PHACTR1: variants seen among roughly 807,000 people sequenced by gnomAD.
PHACTR1 encodes the protein RPEL repeat containing 1.
PHACTR1 carries 16 observed loss-of-function variants against 69.2 expected under a neutral mutation model. The observed-to-expected ratio is 0.23, with a 90% CI of 0.16 to 0.35. The LOEUF (loss-of-function observed/expected upper bound fraction) is 0.35, where lower values mean the gene tolerates loss of function less well. Among genes scored for constraint, PHACTR1 ranks in the 10% least tolerant of loss-of-function variants. PHACTR1 has a pLI of 1.00. For missense variants in PHACTR1, 510 were observed against 734.7 expected (o/e 0.69, Z 3.54); for synonymous variants, 312 against 284.5 (o/e 1.10, Z -0.97).
chr6:13,137,400 A>G (rs989597518), intron 5 of PHACTR1, among the ~76,000 whole-genome samples: 2 of 152,254 alleles, frequency 1.3e-5, no homozygotes, highest in African/African-American at 4.8e-5. Flanking sequence ...TGTCTTAACT[A>G]TGAAGAAACT....
At chr6:12,753,970 A>ATATATT (rs1490045072) in intron 4 of PHACTR1, among the ~76,000 whole-genome samples, 23 of 134,500 alleles carry the variant, frequency 1.7e-4, no homozygotes, top group South Asian at 2.4e-4. Flanking sequence ...ATATATATAT[A>ATATATT]TTTTTTTTTT....
intron 4 of PHACTR1, among the ~76,000 whole-genome samples, chr6:12,980,649 G>A (rs1490742606): frequency 6.6e-6 from 1 of 151,896 alleles, no homozygotes; most frequent in East Asian, 1.9e-4. Context: ...ATAGGATGGA[G>A]TGGGCAGTTT....
At chr6:12,867,885 A>G (rs922284168) in intron 4 of PHACTR1, among the ~76,000 whole-genome samples, 11 of 152,180 alleles carry the variant, frequency 7.2e-5, no homozygotes, top group African/African-American at 2.4e-4. Flanking sequence ...GACAGTCTGT[A>G]TGCCTAGACC....
chr6:12,777,625 CTTTTTTTTTT>C (rs869096915), intron 4 of PHACTR1, among the ~76,000 whole-genome samples: 8 of 99,006 alleles, frequency 8.1e-5, no homozygotes, highest in Non-Finnish European at 1.3e-4. Context: ...CTTTCTTCTT[CTTTTTTTTTT>C]TTTTTTTTTT....
chr6:12,754,666 G>A (rs1561852066), intron 4 of PHACTR1, among the ~76,000 whole-genome samples: 1 of 152,176 alleles, frequency 6.6e-6, no homozygotes, highest in Admixed American at 6.5e-5. Flanking sequence ...AAGGTACAAG[G>A]AAGTAAGTAC....
In PHACTR1 at chr6:13,140,155, G is replaced by A. The variant is rs144767208; in HGVS notation, c.416-20049G>A. On this transcript the variant is annotated intron_variant, in intron 5 of 14. Transcript: ENST00000332995. ...GATAATAACAAATATTGATGAGGAT[G>A]TGGAGAAATTTGAACCCTTGTATAC... Among the ~76,000 whole-genome samples the A allele has an allele frequency of 3.7e-3, 549 of 150,116 alleles. 2 individuals are homozygous for A. The highest frequency in any genetic ancestry group is 0.012 in the African/African-American group (503 of 40,914).
chr6:13,111,970 C>T (rs955614951), intron 5 of PHACTR1, among the ~76,000 whole-genome samples: 1 of 152,116 alleles, frequency 6.6e-6, no homozygotes, highest in Non-Finnish European at 1.5e-5. Context: ...ATTATTTCAT[C>T]ACCCAGGTAT....
chr6:12,911,417 G>A (rs1786380777), intron 4 of PHACTR1, among the ~76,000 whole-genome samples: 1 of 152,180 alleles, frequency 6.6e-6, no homozygotes, highest in Non-Finnish European at 1.5e-5. Context: ...ATCCCCAGAG[G>A]AAAATACACT....
chr6:12,876,135 T>C (rs1376462181), intron 4 of PHACTR1, among the ~76,000 whole-genome samples: 2 of 152,206 alleles, frequency 1.3e-5, no homozygotes, highest in African/African-American at 4.8e-5. Context: ...CGAACACCTT[T>C]GTACCACTTA....
intron 4 of PHACTR1, among the ~76,000 whole-genome samples, chr6:12,969,687 T>C (rs1793936569): frequency 6.6e-6 from 1 of 152,068 alleles, no homozygotes; most frequent in Non-Finnish European, 1.5e-5. Flanking sequence ...ACAGGACAGG[T>C]GCAGTGGCTC....
intron 4 of PHACTR1, among the ~76,000 whole-genome samples, chr6:12,963,204 A>T (rs2127570728): frequency 6.6e-6 from 1 of 152,314 alleles, no homozygotes; most frequent in East Asian, 1.9e-4. Context: ...AAATTAACAG[A>T]CTTGAAAAGG....
intron 8 of PHACTR1, among the ~76,000 whole-genome samples, chr6:13,210,754 G>A (rs1053800944): frequency 6.6e-6 from 1 of 152,106 alleles, no homozygotes; most frequent in African/African-American, 2.4e-5. Context: ...GTAAGCAAAT[G>A]GTATTGAACA....
At chr6:12,934,896 C>A (rs1172150533) in intron 4 of PHACTR1, among the ~76,000 whole-genome samples, 2 of 151,972 alleles carry the variant, frequency 1.3e-5, no homozygotes, top group Non-Finnish European at 1.5e-5. Context: ...ACCGGGTACA[C>A]GTTTGTACTG....
At chr6:12,724,079 G>C (rs914944421) in intron 3 of PHACTR1, among the ~76,000 whole-genome samples, 3 of 152,204 alleles carry the variant, frequency 2.0e-5, no homozygotes, top group African/African-American at 7.2e-5. Flanking sequence ...TGTAATCCCA[G>C]CACTTTGGGA....
intron 4 of PHACTR1, among the ~76,000 whole-genome samples, chr6:12,757,718 G>A (rs970197315): frequency 2.0e-5 from 3 of 152,208 alleles, no homozygotes; most frequent in Non-Finnish European, 2.9e-5. Context: ...CAGTAGGAGG[G>A]ATAGAACGAT....
chr6:12,864,179 C>T (rs1167227613), intron 4 of PHACTR1, among the ~76,000 whole-genome samples: 2 of 152,152 alleles, frequency 1.3e-5, no homozygotes, highest in African/African-American at 2.4e-5. Flanking sequence ...GATGTGGGTA[C>T]ACAAATTCAG....
intron 4 of PHACTR1, among the ~76,000 whole-genome samples, chr6:13,034,294 GGC>G (rs1372329381): frequency 1.3e-5 from 2 of 152,196 alleles, no homozygotes; most frequent in Non-Finnish European, 2.9e-5. Context: ...TGGGATTACA[GGC>G]GTGAGCCACC....
At chr6:12,735,378 A>G (rs578088250) in intron 3 of PHACTR1, among the ~76,000 whole-genome samples, 41 of 152,348 alleles carry the variant, frequency 2.7e-4, no homozygotes, top group African/African-American at 9.6e-4. Flanking sequence ...AATTCAGTGT[A>G]GGAAGTGACT....
chr6:12,849,780 G>A (rs375859523), intron 4 of PHACTR1, among the ~76,000 whole-genome samples: 64 of 152,092 alleles, frequency 4.2e-4, no homozygotes, highest in South Asian at 4.2e-4. Flanking sequence ...TTTTCCCCCA[G>A]AATTCCTAGG....
Sources: gnomAD v4.1 joint callset for allele counts (sites outside exome capture counted in the v4.1 genomes callset) on GRCh38, gnomAD v4.1.1 for gene constraint, MANE v1.5 for transcripts, NCBI Gene and HGNC (gene_info 2026-07-23, HGNC 2026-07-21) for gene names.